AGBL1: variants seen among roughly 807,000 people sequenced by gnomAD.
The protein encoded by AGBL1 is AGBL carboxypeptidase 1, also known as cytosolic carboxypeptidase 4.
In AGBL1, 130 loss-of-function variants were observed where a neutral mutation model predicts 118.9. The observed-to-expected ratio is 1.09, with a 90% CI of 0.95 to 1.26. The LOEUF is 1.26. Ranked by LOEUF, AGBL1 falls within the 50% of genes most tolerant of loss-of-function variation. The probability of loss-of-function intolerance (pLI) is 0.00; values close to 1 mark genes in which losing one functional copy is unlikely to be tolerated. For synonymous variants in AGBL1, 555 were observed against 478.9 expected (o/e 1.16, Z -2.08); for missense variants, 1,584 against 1,298.1 (o/e 1.22, Z -3.38).
intron 1 of AGBL1, among the ~76,000 whole-genome samples, chr15:86,140,914 A>T (rs543407107): frequency 3.7e-4 from 57 of 152,298 alleles, no homozygotes; most frequent in African/African-American, 1.3e-3. Context: ...GATCATAAAG[A>T]GCTTTGGAAA....
intron 18 of AGBL1, among the ~76,000 whole-genome samples, chr15:86,420,147 C>T (rs374153040): frequency 2.2e-4 from 33 of 152,234 alleles, no homozygotes; most frequent in African/African-American, 8.0e-4. Context: ...AAGTGGGTCC[C>T]TGACTTGTGT....
rs1040735343 is a variant in AGBL1, at chr15:86,456,544, C to T, written c.2555+58998C>T. On this transcript the variant is annotated intron_variant, in intron 18 of 22. Coordinates refer to ENST00000614907, the MANE Select transcript of AGBL1 (RefSeq NM_001386094.1). ...ACTATTGTGGTATTCAGAGGAGAAG[C>T]CTTCAAAGGGCTAGAGAGGTTTACT... 3.4e-4 allele frequency among the ~76,000 whole-genome samples: 52 copies of T among 152,148 alleles called. 4 individuals are homozygous for T. The highest frequency in any genetic ancestry group is 4.8e-5 in the African/African-American group (2 of 41,438).
Position 86,261,824 on chromosome 15 carries a change from C to T in AGBL1, c.970-954C>T, listed in dbSNP as rs557183057. 3.3e-5 allele frequency among the ~76,000 whole-genome samples: 5 copies of T among 152,146 alleles called. No individual in the cohort carries two copies. In the South Asian group the frequency reaches 1.0e-3, roughly 32 times the overall value. ...AAACAATAAAGTGCCTGGGATTATT[C>T]AGTCCAATAAATAAAAGACTCACGG... On this transcript the variant is annotated intron_variant, in intron 9 of 22. Coordinates refer to ENST00000614907, the MANE Select transcript of AGBL1 (RefSeq NM_001386094.1).
At chr15:86,189,523 A>T (rs969783299) in intron 5 of AGBL1, among the ~76,000 whole-genome samples, 2 of 152,152 alleles carry the variant, frequency 1.3e-5, no homozygotes, top group Admixed American at 6.5e-5. Context: ...CCTCTTGAAC[A>T]TCTTGGTGCT....
At chr15:86,114,289 G>C (rs979375274) in intron 1 of AGBL1, among the ~76,000 whole-genome samples, 2 of 152,176 alleles carry the variant, frequency 1.3e-5, no homozygotes, top group African/African-American at 2.4e-5. Flanking sequence ...TGGACCCTTG[G>C]GGGAGGTGAG....
intron 17 of AGBL1, among the ~76,000 whole-genome samples, chr15:86,302,061 C>T (rs557699483): frequency 2.6e-5 from 4 of 152,232 alleles, no homozygotes; most frequent in African/African-American, 9.6e-5. Context: ...CAGATACAAA[C>T]CCTCAAGCTG....
chr15:86,769,778 G>T (rs1423870968), intron 22 of AGBL1, among the ~76,000 whole-genome samples: 1 of 151,938 alleles, frequency 6.6e-6, no homozygotes, highest in East Asian at 1.9e-4. Flanking sequence ...GAAATGCAAG[G>T]CTCATTTAGA....
At chr15:86,188,376 G>A (rs569122714) in intron 5 of AGBL1, among the ~76,000 whole-genome samples, 1 of 151,968 alleles carries the variant, frequency 6.6e-6, no homozygotes. Context: ...CTTTATTTCT[G>A]TAAAGATTTT....
intron 23 of AGBL1, among the ~76,000 whole-genome samples, chr15:86,974,428 T>C (rs2081148148): frequency 7.7e-6 from 1 of 129,754 alleles, no homozygotes; most frequent in Admixed American, 7.9e-5. Flanking sequence ...ATATTTTATA[T>C]ATTAAATATA....
chr15:86,444,652 C>T (rs2082100551), intron 18 of AGBL1, among the ~76,000 whole-genome samples: 1 of 152,076 alleles, frequency 6.6e-6, no homozygotes, highest in Non-Finnish European at 1.5e-5. Context: ...TGAATAACAG[C>T]AAGAAAACCA....
chr15:86,494,546 A>C (rs1015185834), intron 18 of AGBL1, among the ~76,000 whole-genome samples: 5 of 152,078 alleles, frequency 3.3e-5, no homozygotes, highest in Non-Finnish European at 7.4e-5. Context: ...TGAGGAACTC[A>C]ACTTTCTCCT....
chr15:86,371,284 G>A (rs1188300731), intron 17 of AGBL1, among the ~76,000 whole-genome samples: 2 of 152,140 alleles, frequency 1.3e-5, no homozygotes, highest in East Asian at 3.9e-4. Context: ...AGGAATAAAA[G>A]CAATGGCGGT....
intron 22 of AGBL1, among the ~76,000 whole-genome samples, chr15:86,865,428 C>T (rs1476659492): frequency 6.6e-6 from 1 of 152,174 alleles, no homozygotes; most frequent in Non-Finnish European, 1.5e-5. Flanking sequence ...TGAAACTGAG[C>T]ACTTCAGAAA....
chr15:86,955,057 T>A (rs1428102673), intron 23 of AGBL1, among the ~76,000 whole-genome samples: 1 of 152,056 alleles, frequency 6.6e-6, no homozygotes, highest in African/African-American at 2.4e-5. Context: ...ATTTCTCCCC[T>A]CCAGAACTTT....
chr15:86,841,486 A>G (rs2079244362), intron 22 of AGBL1, among the ~76,000 whole-genome samples: 1 of 152,208 alleles, frequency 6.6e-6, no homozygotes, highest in Non-Finnish European at 1.5e-5. Context: ...TTTTTAATTT[A>G]CTTTTAATCA....
intron 17 of AGBL1, among the ~76,000 whole-genome samples, chr15:86,309,841 T>C (rs1010638917): frequency 6.6e-6 from 1 of 152,242 alleles, no homozygotes; most frequent in Non-Finnish European, 1.5e-5. Flanking sequence ...TAGTATTCCA[T>C]TGGCAATTTT....
chr15:87,007,361 A>C (rs2081515508), intron 24 of AGBL1, among the ~76,000 whole-genome samples: 1 of 152,214 alleles, frequency 6.6e-6, no homozygotes, highest in Non-Finnish European at 1.5e-5. Flanking sequence ...CTAAGATAGA[A>C]AAATACATTG....
At chr15:86,323,838 A>G (rs934555023) in intron 17 of AGBL1, among the ~76,000 whole-genome samples, 5 of 152,186 alleles carry the variant, frequency 3.3e-5, no homozygotes, top group African/African-American at 4.8e-5. Context: ...TGCAAACTTA[A>G]TGGACTTACC....
Position 86,689,365 on chromosome 15 carries a change from C to G in AGBL1, c.3158+14929C>G, listed in dbSNP as rs2086121652. ...AGGCCTCTAATTTAGTATTATCTGTCTCCTCCAGCTAGAATGTATAATCCA... is the reference window on the plus strand; with the variant it reads ...AGGCCTCTAATTTAGTATTATCTGTGTCCTCCAGCTAGAATGTATAATCCA... On this transcript the variant is annotated intron_variant, in intron 22 of 22. Transcript: ENST00000614907. 2.0e-5 allele frequency among the ~76,000 whole-genome samples: 3 copies of G among 152,104 alleles called. No homozygotes were observed. In the South Asian group the frequency reaches 6.2e-4, roughly 31 times the overall value.
Sources: allele counts gnomAD v4.1 joint callset (sites outside exome capture counted in the v4.1 genomes callset), GRCh38; gene constraint gnomAD v4.1.1; transcripts MANE v1.5; gene names NCBI Gene and HGNC (gene_info 2026-07-23, HGNC 2026-07-21).